ALCAM: variants seen among roughly 807,000 people sequenced by gnomAD.
The protein encoded by ALCAM is CD166 antigen.
In ALCAM, 30 loss-of-function variants were observed where a neutral mutation model predicts 70.9. The observed-to-expected ratio is 0.42, with a 90% confidence interval of 0.32 to 0.57. ALCAM has a LOEUF of 0.57. Among genes scored for constraint, ALCAM ranks in the 20% least tolerant of loss-of-function variants. The pLI is 0.11. For missense variants in ALCAM, 591 were observed against 695.1 expected (o/e 0.85, Z 1.68); for synonymous variants, 249 against 242.5 (o/e 1.03, Z -0.25).
At chr3:105,401,859 A>G (rs947534299) in intron 1 of ALCAM, among the ~76,000 whole-genome samples, 1 of 152,210 alleles carries the variant, frequency 6.6e-6, no homozygotes, top group Non-Finnish European at 1.5e-5. Flanking sequence ...TTTTGAAAAT[A>G]TGAATAATTG....
intron 8 of ALCAM, chr3:105,544,517 A>T (rs1940197602): frequency 6.6e-6 from 1 of 151,532 alleles, no homozygotes; most frequent in South Asian, 2.1e-4. Context: ...TGCTGATTTT[A>T]TGGGCTGTGT....
At chr3:105,492,248 A>G (rs1399067153) in intron 1 of ALCAM, among the ~76,000 whole-genome samples, 1 of 152,222 alleles carries the variant, frequency 6.6e-6, no homozygotes, top group African/African-American at 2.4e-5. Context: ...CGCCCCCATG[A>G]TTCAATTACT....
intron 1 of ALCAM, among the ~76,000 whole-genome samples, chr3:105,466,597 C>G (rs1937744886): frequency 6.6e-6 from 1 of 151,326 alleles, no homozygotes; most frequent in African/African-American, 2.4e-5. Flanking sequence ...CAAAGGTTAA[C>G]TTGTCCATCT....
intron 1 of ALCAM, among the ~76,000 whole-genome samples, chr3:105,507,317 G>A (rs74729051): frequency 0.02 from 3,099 of 152,012 alleles, 111 homozygotes; most frequent in African/African-American, 0.07. Context: ...TTTTCCTGTT[G>A]TGTTGTACAT....
chr3:105,534,822 A>C lies in ALCAM; in HGVS notation c.707A>C (p.Glu236Ala), dbSNP rs1297092799. The change falls in exon 6 of 16, where the codon GAA becomes GCA. Residue 236 changes from glutamate (E) to alanine (A), a missense_variant. Glu to Ala is a moderately radical substitution (Grantham distance 107, BLOSUM62 -1). This residue lies in a region of ALCAM where 427 missense variants were observed against 450.4 expected (regional missense o/e 0.95). Coordinates refer to ENST00000306107, the MANE Select transcript of ALCAM (RefSeq NM_001627.4). ...TCTGGCCAGAAAACAATTCATTCTG[A>C]ACAGGCAGTATTTGATATTTACTGT... ...GPSGQKTIHS[E>A]QAVFDIYYPT... 5 of 1,613,146 alleles carry C rather than the reference A, an allele frequency of 3.1e-6. No individual in the cohort carries two copies.
intron 14 of ALCAM, among the ~76,000 whole-genome samples, chr3:105,562,423 A>G (rs1297854326): frequency 6.6e-6 from 1 of 152,210 alleles, no homozygotes; most frequent in Non-Finnish European, 1.5e-5. Flanking sequence ...CTCTGTTAAT[A>G]TAGTAAATTA....
intron 1 of ALCAM, among the ~76,000 whole-genome samples, chr3:105,474,212 C>A (rs984187991): frequency 6.6e-6 from 1 of 151,728 alleles, no homozygotes; most frequent in Non-Finnish European, 1.5e-5. Flanking sequence ...AATTTTGATG[C>A]TGTTCTGTTA....
intron 14 of ALCAM, among the ~76,000 whole-genome samples, chr3:105,564,959 G>A (rs1187624527): frequency 6.6e-6 from 1 of 152,144 alleles, no homozygotes; most frequent in Admixed American, 6.5e-5. Flanking sequence ...GAACCTGGGA[G>A]ACAGAGGTTG....
intron 1 of ALCAM, among the ~76,000 whole-genome samples, chr3:105,511,211 TACCATTGTGGGCA>T (rs1939226481): frequency 6.6e-6 from 1 of 152,038 alleles, no homozygotes; most frequent in Non-Finnish European, 1.5e-5. Context: ...CCCACTGGGC[TACCATTGTGGGCA>T]AGCTACAATG....
At chr3:105,521,565 A>T (rs1939546168) in intron 2 of ALCAM, among the ~76,000 whole-genome samples, 1 of 152,200 alleles carries the variant, frequency 6.6e-6, no homozygotes. Context: ...AACAGGTTCC[A>T]CAATGTGCTC....
chr3:105,430,970 T>C (rs1033110534), intron 1 of ALCAM, among the ~76,000 whole-genome samples: 11 of 152,080 alleles, frequency 7.2e-5, no homozygotes, highest in African/African-American at 2.7e-4. Flanking sequence ...CTACTTATGG[T>C]TGGAAGTTCC....
chr3:105,413,929 A>G (rs1395242035), intron 1 of ALCAM, among the ~76,000 whole-genome samples: 1 of 152,166 alleles, frequency 6.6e-6, no homozygotes, highest in African/African-American at 2.4e-5. Flanking sequence ...AACATTATTT[A>G]GTTCCATTTA....
chr3:105,455,906 A>G (rs565146412), intron 1 of ALCAM, among the ~76,000 whole-genome samples: 51 of 152,276 alleles, frequency 3.3e-4, no homozygotes, highest in African/African-American at 1.2e-3. Flanking sequence ...GCTGGCAAAC[A>G]TGGGGAAACC....
chr3:105,374,329 G>A (rs1200699342), intron 1 of ALCAM, among the ~76,000 whole-genome samples: 1 of 151,994 alleles, frequency 6.6e-6, no homozygotes. Context: ...GCCGAGGCGG[G>A]CGGATCACCT....
At chr3:105,558,250 G>T (rs1576241129) in intron 14 of ALCAM, among the ~76,000 whole-genome samples, 1 of 151,990 alleles carries the variant, frequency 6.6e-6, no homozygotes, top group African/African-American at 2.4e-5. Context: ...CCTCTAACTA[G>T]CAAGAAATAA....
At chr3:105,555,870 C>T (rs1007332814) in intron 14 of ALCAM, among the ~76,000 whole-genome samples, 14 of 151,838 alleles carry the variant, frequency 9.2e-5, no homozygotes, top group South Asian at 2.1e-4. Flanking sequence ...ATCCATATAA[C>T]TTCCCAATGG....
intron 7 of ALCAM, among the ~76,000 whole-genome samples, chr3:105,541,082 T>C (rs1940103118): frequency 6.6e-6 from 1 of 151,410 alleles, no homozygotes; most frequent in Non-Finnish European, 1.5e-5. Context: ...TCCTACATCA[T>C]CTATATTTTT....
At chr3:105,403,905 C>A (rs1936154463) in intron 1 of ALCAM, among the ~76,000 whole-genome samples, 1 of 151,000 alleles carries the variant, frequency 6.6e-6, no homozygotes, top group African/African-American at 2.4e-5. Context: ...ATCACAACTT[C>A]TAGAAATCAA....
At chr3:105,449,646 G>C (rs114408965) in intron 1 of ALCAM, among the ~76,000 whole-genome samples, 33 of 151,960 alleles carry the variant, frequency 2.2e-4, no homozygotes, top group African/African-American at 7.2e-4. Context: ...GCAATCCCTC[G>C]TCCCATTTCA....
Sources: gnomAD v4.1 joint callset for allele counts (sites outside exome capture counted in the v4.1 genomes callset) on GRCh38, gnomAD v4.1.1 for gene constraint, gnomAD v4.1.1 regional missense constraint, MANE v1.5 for transcripts, NCBI Gene and HGNC (gene_info 2026-07-23, HGNC 2026-07-21) for gene names.